The following RABGAP1L variants were observed in gnomAD, a reference collection of about 807,000 sequenced individuals.
RABGAP1L encodes RAB GTPase activating protein 1 like, also known as rab GTPase-activating protein 1-like.
Under a neutral mutation model 137.7 loss-of-function variants are expected in RABGAP1L, and 63 were observed. The observed-to-expected ratio is 0.46, with a 90% CI of 0.37 to 0.56. The LOEUF (loss-of-function observed/expected upper bound fraction) is 0.56, where lower values mean the gene tolerates loss of function less well. Among genes scored for constraint, RABGAP1L ranks in the 20% least tolerant of loss-of-function variants. The probability of loss-of-function intolerance (pLI) is 0.00; values close to 1 mark genes in which losing one functional copy is unlikely to be tolerated. For synonymous variants in RABGAP1L, 431 were observed against 433.7 expected, an observed-to-expected ratio of 0.99 and a Z score of 0.08; for missense variants, 1,095 against 1,244.0, an observed-to-expected ratio of 0.88 and a Z score of 1.80.
chr1:174,526,811 T>G (rs1225071505), intron 13 of RABGAP1L, among the ~76,000 whole-genome samples: 2 of 152,136 alleles, frequency 1.3e-5, no homozygotes. Context: ...GCTTTTTTAG[T>G]ATCTATTTTG....
At chr1:174,632,748 T>A (rs536747599) in intron 13 of RABGAP1L, among the ~76,000 whole-genome samples, 3,298 of 144,994 alleles carry the variant, frequency 0.023, 61 homozygotes, top group Non-Finnish European at 0.035. Flanking sequence ...CTCCATCAGC[T>A]CCTTTAAGCA....
chr1:174,730,888 G>GT (rs1682408957), intron 17 of RABGAP1L, among the ~76,000 whole-genome samples: 1 of 152,110 alleles, frequency 6.6e-6, no homozygotes, highest in Admixed American at 6.6e-5. Flanking sequence ...TGAGTAGAAA[G>GT]TTTTTTCCAA....
At chr1:174,195,072 A>G (rs1251166524) in intron 1 of RABGAP1L, among the ~76,000 whole-genome samples, 1 of 152,172 alleles carries the variant, frequency 6.6e-6, no homozygotes, top group East Asian at 1.9e-4. Flanking sequence ...AGAGTATATT[A>G]TATGAGTGAT....
At chr1:174,874,252 T>C (rs1652698340) in intron 19 of RABGAP1L, 1 of 152,546 alleles carries the variant, frequency 6.6e-6, no homozygotes. Context: ...TGATATCTTC[T>C]ATCAAATAAA....
At chr1:174,554,511 G>A (rs1035635926) in intron 13 of RABGAP1L, among the ~76,000 whole-genome samples, 1 of 152,004 alleles carries the variant, frequency 6.6e-6, no homozygotes, top group South Asian at 2.1e-4. Context: ...TTTTGTATTG[G>A]TATGTTTTAA....
intron 11 of RABGAP1L, among the ~76,000 whole-genome samples, chr1:174,363,586 G>A (rs906540164): frequency 1.8e-4 from 27 of 152,196 alleles, no homozygotes; most frequent in African/African-American, 6.3e-4. Flanking sequence ...GTACTTTGTT[G>A]GTTAACAGTG....
intron 25 of RABGAP1L, among the ~76,000 whole-genome samples, chr1:174,989,340 CTCT>C (rs761138443): frequency 3.3e-5 from 5 of 152,182 alleles, no homozygotes; most frequent in South Asian, 4.1e-4. Context: ...TTCTGATGGA[CTCT>C]TCTTCATTTC....
chr1:174,590,072 C>G (rs1557875869), intron 13 of RABGAP1L, among the ~76,000 whole-genome samples: 1 of 143,636 alleles, frequency 7.0e-6, no homozygotes, highest in Non-Finnish European at 1.5e-5. Context: ...ATTGATTCTT[C>G]TAATCCATGA....
intron 18 of RABGAP1L, among the ~76,000 whole-genome samples, chr1:174,764,249 T>C (rs944135881): frequency 6.6e-6 from 1 of 152,272 alleles, no homozygotes; most frequent in African/African-American, 2.4e-5. Flanking sequence ...TTGATTGTTA[T>C]GAATAATACT....
chr1:174,185,466 A>G (rs956196053), intron 1 of RABGAP1L, among the ~76,000 whole-genome samples: 2 of 152,200 alleles, frequency 1.3e-5, no homozygotes, highest in African/African-American at 4.8e-5. Flanking sequence ...TATACATTCA[A>G]ATAATTATTT....
intron 18 of RABGAP1L, among the ~76,000 whole-genome samples, chr1:174,788,476 C>G (rs1020330444): frequency 6.6e-6 from 1 of 152,190 alleles, no homozygotes; most frequent in Non-Finnish European, 1.5e-5. Flanking sequence ...GCTCTATTTC[C>G]GTAGCACACC....
chr1:174,892,439 G>C, intron 19 of RABGAP1L: 1 of 427,102 alleles, frequency 2.3e-6, no homozygotes, highest in Admixed American at 3.1e-5. Flanking sequence ...ACACGAAATT[G>C]TTCATCAGCG....
intron 12 of RABGAP1L, among the ~76,000 whole-genome samples, chr1:174,386,953 A>T (rs1200249924): frequency 6.6e-6 from 1 of 152,188 alleles, no homozygotes; most frequent in Non-Finnish European, 1.5e-5. Context: ...GTGGGTAAGA[A>T]AACAAAATAT....
intron 7 of RABGAP1L, among the ~76,000 whole-genome samples, chr1:174,269,089 C>T (rs1443863379): frequency 1.3e-5 from 2 of 152,030 alleles, no homozygotes; most frequent in Non-Finnish European, 2.9e-5. Flanking sequence ...ACTACATGCG[C>T]CCGCCACCAG....
At chr1:174,505,100 A>G (rs1483450024) in intron 13 of RABGAP1L, among the ~76,000 whole-genome samples, 1 of 152,230 alleles carries the variant, frequency 6.6e-6, no homozygotes, top group African/African-American at 2.4e-5. Context: ...CAGCAGGTAT[A>G]TAAAAAAATG....
intron 13 of RABGAP1L, among the ~76,000 whole-genome samples, chr1:174,618,192 C>G (rs1672086508): frequency 6.6e-6 from 1 of 152,202 alleles, no homozygotes; most frequent in Non-Finnish European, 1.5e-5. Flanking sequence ...GGCCTGCTTA[C>G]CTCTGTAGAC....
chr1:174,877,439 T>G (rs1380589866), intron 19 of RABGAP1L: 2 of 1,609,082 alleles, frequency 1.2e-6, no homozygotes, highest in African/African-American at 2.7e-5. Flanking sequence ...TTTCCTTGGA[T>G]AGTCTGGTCT....
intron 18 of RABGAP1L, among the ~76,000 whole-genome samples, chr1:174,784,570 T>C (rs1310223283): frequency 1.3e-5 from 2 of 152,066 alleles, no homozygotes; most frequent in African/African-American, 4.8e-5. Flanking sequence ...TTTGTAAAGG[T>C]TGAGTTGAGT....
At chr1:174,609,716 T>C (rs930822494) in intron 13 of RABGAP1L, among the ~76,000 whole-genome samples, 1 of 152,184 alleles carries the variant, frequency 6.6e-6, no homozygotes, top group Non-Finnish European at 1.5e-5. Flanking sequence ...CAAAATCTAT[T>C]GTAATTTGCT....
Sources: gnomAD v4.1 joint callset for allele counts (sites outside exome capture counted in the v4.1 genomes callset) on GRCh38, gnomAD v4.1.1 for gene constraint, MANE v1.5 for transcripts, NCBI Gene and HGNC (gene_info 2026-07-23, HGNC 2026-07-21) for gene names.